The following CCDC85A variants were observed in gnomAD, a reference collection of about 807,000 sequenced individuals.
CCDC85A encodes coiled-coil domain containing 85A.
Under a neutral mutation model 50.2 loss-of-function variants are expected in CCDC85A, and 38 were observed. That is an observed-to-expected ratio of 0.76 (90% CI 0.58 to 0.99). The LOEUF is 0.99. CCDC85A is among the 50% of genes least tolerant of loss of function. CCDC85A has a pLI of 0.00. For missense variants in CCDC85A, 820 were observed against 742.0 expected (o/e 1.11, Z -1.22); for synonymous variants, 366 against 301.4 (o/e 1.21, Z -2.22).
At chr2:56,298,552 G>T (rs1672059119) in intron 2 of CCDC85A, among the ~76,000 whole-genome samples, 2 of 152,184 alleles carry the variant, frequency 1.3e-5, no homozygotes, top group Admixed American at 1.3e-4. Context: ...ACTTTCTGTT[G>T]TATATGGTAT....
intron 2 of CCDC85A, among the ~76,000 whole-genome samples, chr2:56,281,714 T>C (rs1366648613): frequency 2.0e-5 from 3 of 152,226 alleles, no homozygotes; most frequent in Admixed American, 2.0e-4. Context: ...TTTAGTGAAG[T>C]GTCTGTTCAT....
At chr2:56,286,344 C>T (rs573529235) in intron 2 of CCDC85A, among the ~76,000 whole-genome samples, 1 of 152,082 alleles carries the variant, frequency 6.6e-6, no homozygotes, top group Non-Finnish European at 1.5e-5. Flanking sequence ...TGTCAGCTAA[C>T]AATTGCACGT....
At chr2:56,243,429 G>A (rs936069717) in intron 2 of CCDC85A, among the ~76,000 whole-genome samples, 12 of 151,784 alleles carry the variant, frequency 7.9e-5, no homozygotes, top group East Asian at 5.8e-4. Context: ...ACTCTGATGC[G>A]TTCTTCAGTA....
chr2:56,244,618 C>T (rs1054102480), intron 2 of CCDC85A, among the ~76,000 whole-genome samples: 1 of 151,434 alleles, frequency 6.6e-6, no homozygotes, highest in East Asian at 2.0e-4. Context: ...TTTTCCCTTT[C>T]CTTTCTCAAG....
intron 2 of CCDC85A, among the ~76,000 whole-genome samples, chr2:56,310,617 A>G (rs1264021685): frequency 1.3e-5 from 2 of 152,184 alleles, no homozygotes; most frequent in Non-Finnish European, 1.5e-5. Flanking sequence ...TCAGCATTTG[A>G]GAATGCCCAT....
intron 3 of CCDC85A, among the ~76,000 whole-genome samples, chr2:56,350,675 G>T (rs1674873505): frequency 6.6e-6 from 1 of 151,386 alleles, no homozygotes; most frequent in South Asian, 2.1e-4. Flanking sequence ...CCTGCTGGAG[G>T]TTACTACATC....
intron 2 of CCDC85A, among the ~76,000 whole-genome samples, chr2:56,243,581 T>C (rs554742294): frequency 6.6e-6 from 1 of 152,332 alleles, no homozygotes; most frequent in African/African-American, 2.4e-5. Flanking sequence ...AAAACAGCTA[T>C]TTTGAATTCT....
At chr2:56,269,830 C>G (rs770965335) in intron 2 of CCDC85A, among the ~76,000 whole-genome samples, 1 of 152,072 alleles carries the variant, frequency 6.6e-6, no homozygotes, top group Admixed American at 6.5e-5. Context: ...TCCTCTCTTG[C>G]GTTATTTCAG....
intron 1 of CCDC85A, among the ~76,000 whole-genome samples, chr2:56,191,735 A>G (rs1234639370): frequency 6.6e-6 from 1 of 152,174 alleles, no homozygotes; most frequent in Non-Finnish European, 1.5e-5. Context: ...GAGATAAGTG[A>G]GAGATGCCTG....
At chr2:56,257,005 A>C (rs997900701) in intron 2 of CCDC85A, among the ~76,000 whole-genome samples, 6 of 152,100 alleles carry the variant, frequency 3.9e-5, no homozygotes. Context: ...GGGAACATTC[A>C]ACTGAAGTCC....
intron 2 of CCDC85A, among the ~76,000 whole-genome samples, chr2:56,314,904 C>G (rs549769055): frequency 1.3e-5 from 2 of 152,228 alleles, no homozygotes; most frequent in African/African-American, 4.8e-5. Flanking sequence ...CCCTGGTTCC[C>G]AGATCATCAC....
At chr2:56,276,521 G>A (rs930120400) in intron 2 of CCDC85A, among the ~76,000 whole-genome samples, 16 of 152,056 alleles carry the variant, frequency 1.1e-4, no homozygotes, top group African/African-American at 2.9e-4. Context: ...TGAGTCTCAC[G>A]AGATCTGATG....
intron 3 of CCDC85A, among the ~76,000 whole-genome samples, chr2:56,348,737 C>G (rs1674755453): frequency 6.6e-6 from 1 of 152,196 alleles, no homozygotes; most frequent in South Asian, 2.1e-4. Flanking sequence ...CACCACGGTG[C>G]TTATGCAGAA....
At chr2:56,364,852 T>C (rs1388404508) in intron 3 of CCDC85A, among the ~76,000 whole-genome samples, 1 of 152,208 alleles carries the variant, frequency 6.6e-6, no homozygotes, top group Non-Finnish European at 1.5e-5. Flanking sequence ...AGTAATACTT[T>C]TTTTCCCTTC....
rs1254072307 is a variant in CCDC85A, at chr2:56,385,427, C to A, written c.*1072C>A. 6.6e-6 allele frequency: 1 copy of A among 152,046 alleles called. No homozygotes were observed. The highest frequency in any genetic ancestry group is 1.5e-5 in the Non-Finnish European group (1 of 67,778). The allele number at this position is 152,046 out of a possible 1,614,324, so 9.4% of individuals were successfully genotyped here. A position where few individuals can be genotyped will look rare whatever the true frequency, so the allele number is the denominator to read the frequency against. On this transcript the variant is annotated 3_prime_UTR_variant, in exon 6 of 6. Transcript: ENST00000407595. The stretch of plus-strand genomic sequence containing the variant: ...TGTGCTAGCTTTGCTTAGTTTATTT[C>A]TTATTTTTGGTATACATATACATAT...
Position 56,193,269 on chromosome 2 carries a change from A to G in CCDC85A, c.1069A>G (p.Thr357Ala). ...SLEHLPRARG[T>A]SPEHLKQHYG... The stretch of plus-strand genomic sequence containing the variant: ...AGAGCATCTCCCCAGAGCCAGGGGC[A>G]CCAGCCCGGAGCACCTCAAACAACA... The change falls in exon 2 of 6, where the codon ACC becomes GCC. Residue 357 changes from threonine (T) to alanine (A), a missense_variant. Physicochemically the swap from Thr to Ala is moderately conservative, Grantham distance 58. Coordinates refer to ENST00000407595, the MANE Select transcript of CCDC85A (RefSeq NM_001080433.2). 1 of 1,609,288 alleles carries G rather than the reference A, an allele frequency of 6.2e-7. No individual in the cohort carries two copies. Among genetic ancestry groups the G allele is most frequent in the Non-Finnish European group, 8.5e-7 (1 of 1,178,378 alleles).
intron 2 of CCDC85A, among the ~76,000 whole-genome samples, chr2:56,278,930 G>A (rs978073395): frequency 6.6e-6 from 1 of 152,190 alleles, no homozygotes; most frequent in African/African-American, 2.4e-5. Context: ...TTTAGTGTGT[G>A]TGTTAGGGAT....
chr2:56,208,373 A>G (rs1051328612), intron 2 of CCDC85A, among the ~76,000 whole-genome samples: 1 of 152,266 alleles, frequency 6.6e-6, no homozygotes, highest in African/African-American at 2.4e-5. Context: ...ACCCCATTGC[A>G]CACACATCCA....
intron 1 of CCDC85A, among the ~76,000 whole-genome samples, chr2:56,188,894 G>GA (rs1676166042): frequency 6.6e-6 from 1 of 152,204 alleles, no homozygotes; most frequent in South Asian, 2.1e-4. Flanking sequence ...CATATTCAAA[G>GA]AAAGACTTTT....
Sources: gnomAD v4.1 joint callset for allele counts (sites outside exome capture counted in the v4.1 genomes callset) on GRCh38, gnomAD v4.1.1 for gene constraint, MANE v1.5 for transcripts, NCBI Gene and HGNC (gene_info 2026-07-23, HGNC 2026-07-21) for gene names.